The following MAPK10 variants were observed in gnomAD, a reference collection of about 807,000 sequenced individuals.
The protein encoded by MAPK10 is JNK3 alpha protein kinase.
MAPK10 carries 25 observed loss-of-function variants against 59.3 expected under a neutral mutation model. That is an observed-to-expected ratio of 0.42 (90% CI 0.31 to 0.59). MAPK10 has a LOEUF of 0.59. Ranked by LOEUF, MAPK10 falls within the 20% of genes least tolerant of loss-of-function variation. The pLI is 0.15. For missense variants in MAPK10, 351 were observed against 568.9 expected, an observed-to-expected ratio of 0.62 and a Z score of 3.90; for synonymous variants, 190 against 200.5, an observed-to-expected ratio of 0.95 and a Z score of 0.44.
chr4:86,526,347 C>T (rs1009139899), intron 1 of MAPK10, among the ~76,000 whole-genome samples: 1 of 152,124 alleles, frequency 6.6e-6, no homozygotes, highest in African/African-American at 2.4e-5. Flanking sequence ...GATTTTCTAG[C>T]TTGTGCGCCT....
chr4:86,220,741 A>G (rs2089297197), intron 2 of MAPK10, among the ~76,000 whole-genome samples: 1 of 152,200 alleles, frequency 6.6e-6, no homozygotes, highest in Admixed American at 6.5e-5. Context: ...CGTACAGCCT[A>G]ATATATTTGT....
intron 1 of MAPK10, among the ~76,000 whole-genome samples, chr4:86,485,240 A>G (rs1753897771): frequency 6.6e-6 from 1 of 152,144 alleles, no homozygotes; most frequent in Admixed American, 6.6e-5. Flanking sequence ...CCCCAACCAC[A>G]CTAAATTGAT....
At chr4:86,555,256 A>G (rs1292323180) in intron 1 of MAPK10, among the ~76,000 whole-genome samples, 1 of 152,066 alleles carries the variant, frequency 6.6e-6, no homozygotes, top group Admixed American at 6.6e-5. Context: ...GACCAGGCTG[A>G]CCAATATGGT....
intron 5 of MAPK10, 105 bp downstream of exon 5, chr4:86,107,118 G>C: frequency 1.2e-6 from 1 of 828,792 alleles, no homozygotes; most frequent in Non-Finnish European, 1.9e-6. Context: ...TAAGAGGCAG[G>C]AATTGCAAAG....
intron 2 of MAPK10, among the ~76,000 whole-genome samples, chr4:86,345,734 T>C (rs1204381069): frequency 6.6e-6 from 1 of 152,214 alleles, no homozygotes; most frequent in Non-Finnish European, 1.5e-5. Context: ...ATAAAAATCT[T>C]GAACAAAACA....
chr4:86,485,833 C>T (rs966139471), intron 1 of MAPK10, among the ~76,000 whole-genome samples: 7 of 152,130 alleles, frequency 4.6e-5, no homozygotes, highest in African/African-American at 9.7e-5. Flanking sequence ...ACAGAGTTCA[C>T]GCATAGAGAA....
intron 9 of MAPK10, among the ~76,000 whole-genome samples, chr4:86,074,360 G>T (rs547791943): frequency 2.0e-5 from 3 of 150,448 alleles, no homozygotes; most frequent in Non-Finnish European, 3.0e-5. Flanking sequence ...TTGCCAGTCT[G>T]TGTCTTTTAA....
intron 2 of MAPK10, among the ~76,000 whole-genome samples, chr4:86,328,561 C>A (rs1440612872): frequency 2.0e-5 from 3 of 152,114 alleles, no homozygotes; most frequent in African/African-American, 7.2e-5. Flanking sequence ...TATATGTTTA[C>A]TGCAGCACTA....
intron 1 of MAPK10, among the ~76,000 whole-genome samples, chr4:86,451,241 G>A (rs1300397381): frequency 6.6e-6 from 1 of 152,116 alleles, no homozygotes; most frequent in Non-Finnish European, 1.5e-5. Flanking sequence ...CGGTTTTTAA[G>A]TTTTTATGTC....
rs1743287837 is a variant in MAPK10, at chr4:86,016,316, C to T, written c.*912G>A. On this transcript the variant is annotated 3_prime_UTR_variant, in exon 14 of 14. Coordinates refer to ENST00000641462, the MANE Select transcript of MAPK10 (RefSeq NM_138982.4). ...AACCTCCTTTCAGTCTTAGTCCACACCACACACTACCCTCCAGTCTCTCCT... is the reference window on the plus strand; with the variant it reads ...AACCTCCTTTCAGTCTTAGTCCACATCACACACTACCCTCCAGTCTCTCCT... The T allele has an allele frequency of 6.6e-6, 1 of 152,352 alleles. No individual in the cohort carries two copies. Among genetic ancestry groups the T allele is most frequent in the African/African-American group, 2.4e-5 (1 of 41,438 alleles). 9.4% of individuals were successfully genotyped at this position (152,352 alleles called of 1,614,324 possible).
intron 13 of MAPK10, among the ~76,000 whole-genome samples, chr4:86,021,830 T>C (rs1272449875): frequency 2.6e-5 from 4 of 152,230 alleles, no homozygotes; most frequent in African/African-American, 9.6e-5. Context: ...CCAGTACACC[T>C]TCCGCAGCCA....
intron 2 of MAPK10, among the ~76,000 whole-genome samples, chr4:86,197,028 G>A (rs1353333129): frequency 6.6e-6 from 1 of 152,150 alleles, no homozygotes; most frequent in Non-Finnish European, 1.5e-5. Flanking sequence ...GCTTAGGATT[G>A]TCTTGGCTAT....
intron 2 of MAPK10, among the ~76,000 whole-genome samples, chr4:86,254,544 T>G (rs1269881675): frequency 7.8e-6 from 1 of 127,582 alleles, no homozygotes; most frequent in Non-Finnish European, 1.6e-5. Context: ...GTGAGATAGT[T>G]TGTTATAATT....
intron 11 of MAPK10, among the ~76,000 whole-genome samples, chr4:86,040,397 GAAGA>G (rs938495997): frequency 6.6e-6 from 1 of 152,076 alleles, no homozygotes; most frequent in African/African-American, 2.4e-5. Context: ...TGATGAAGGA[GAAGA>G]AAGAATTTGT....
chr4:86,503,589 A>C (rs1457751111), intron 1 of MAPK10, among the ~76,000 whole-genome samples: 6 of 152,112 alleles, frequency 3.9e-5, no homozygotes, highest in African/African-American at 1.4e-4. Flanking sequence ...TTATTCAACC[A>C]ATAAGAAGCA....
At chr4:86,314,037 T>C (rs2095724315) in intron 2 of MAPK10, among the ~76,000 whole-genome samples, 1 of 152,046 alleles carries the variant, frequency 6.6e-6, no homozygotes, top group Admixed American at 6.6e-5. Context: ...AAAAACAGCA[T>C]GGATGGACTT....
intron 2 of MAPK10, among the ~76,000 whole-genome samples, chr4:86,262,793 GT>G (rs1285727767): frequency 1.3e-5 from 2 of 152,180 alleles, no homozygotes; most frequent in East Asian, 3.9e-4. Flanking sequence ...TCCGAAGCAA[GT>G]TTCTTGATTC....
In MAPK10 at chr4:86,255,920, C is replaced by T. The variant is rs2035055; in HGVS notation, c.-6-61513G>A. Among the ~76,000 whole-genome samples, 1,042 of 152,090 alleles carry T rather than the reference C, an allele frequency of 6.9e-3. 6 individuals are homozygous for T. Among genetic ancestry groups the T allele is most frequent in the African/African-American group, 0.024 (994 of 41,488 alleles). On this transcript the variant is annotated intron_variant, in intron 2 of 13. Coordinates refer to ENST00000641462, the MANE Select transcript of MAPK10 (RefSeq NM_138982.4). ...CTATTTATTCACAGCATCAAATTGT[C>T]CCTGGTGTGTGCTTAGTACCTAAAA...
intron 2 of MAPK10, among the ~76,000 whole-genome samples, chr4:86,283,213 G>C (rs1261993922): frequency 2.6e-5 from 4 of 152,082 alleles, no homozygotes; most frequent in Non-Finnish European, 5.9e-5. Flanking sequence ...CTCTGAATAA[G>C]CCCTGGCCCA....
Sources: allele counts gnomAD v4.1 joint callset (sites outside exome capture counted in the v4.1 genomes callset), GRCh38; gene constraint gnomAD v4.1.1; transcripts MANE v1.5; gene names NCBI Gene and HGNC (gene_info 2026-07-23, HGNC 2026-07-21).